The following ZBED4 variants were observed in gnomAD, a reference collection of about 807,000 sequenced individuals.
The protein encoded by ZBED4 is zinc finger BED domain-containing protein 4.
Under a neutral mutation model 15.5 loss-of-function variants are expected in ZBED4, and 4 were observed. The ratio of observed to expected loss-of-function variants is 0.26; its 90% CI spans 0.13 to 0.59. The LOEUF is 0.59. Among genes scored for constraint, ZBED4 ranks in the 20% least tolerant of loss-of-function variants. The pLI is 0.90. For missense variants in ZBED4, 1,323 were observed against 1,461.8 expected (o/e 0.91, Z 1.55); for synonymous variants, 692 against 608.5 (o/e 1.14, Z -2.02).
chr22:49,870,069 A>G (rs919002058), intron 1 of ZBED4, among the ~76,000 whole-genome samples: 1 of 152,126 alleles, frequency 6.6e-6, no homozygotes, highest in Admixed American at 6.5e-5. Flanking sequence ...AGGTGAGAAC[A>G]TGTGGTATCC....
chr22:49,879,247 C>G (rs969333225), intron 1 of ZBED4, among the ~76,000 whole-genome samples: 1 of 151,626 alleles, frequency 6.6e-6, no homozygotes, highest in South Asian at 2.1e-4. Flanking sequence ...GCCTCAGCCT[C>G]CCGAGTAGCT....
chr22:49,875,456 T>C (rs536065307), intron 1 of ZBED4, among the ~76,000 whole-genome samples: 196 of 151,872 alleles, frequency 1.3e-3, no homozygotes, highest in African/African-American at 4.2e-3. Context: ...AGTCTTGCTC[T>C]GTCACCCAGG....
chr22:49,885,597 T>G lies in ZBED4; in HGVS notation c.1935T>G (p.Asn645Lys), dbSNP rs2060434182. The change falls in exon 2 of 2, where the codon AAT becomes AAG. Residue 645 changes from asparagine to lysine, a missense_variant. Coordinates refer to ENST00000216268, the MANE Select transcript of ZBED4 (RefSeq NM_014838.3). ...GCGCTTCCTCTTTTGATGACACCAA[T>G]GAGAAGTTTTACGATTCTCACCCAG... is the stretch of plus-strand genomic sequence containing the variant. The part of the protein sequence containing the change: ...LSGASSFDDT[N>K]EKFYDSHPVA... The G allele has an allele frequency of 3.1e-6, 5 of 1,608,598 alleles. No homozygotes were observed. The highest frequency in any genetic ancestry group is 4.3e-6 in the Non-Finnish European group (5 of 1,175,806).
chr22:49,856,527 G>C, intron 1 of ZBED4, among the ~76,000 whole-genome samples: 1 of 152,204 alleles, frequency 6.6e-6, no homozygotes, highest in East Asian at 1.9e-4. Flanking sequence ...ATCCCAGTGC[G>C]TACCTCCTGC....
At chr22:49,871,765 T>A (rs528275085) in intron 1 of ZBED4, among the ~76,000 whole-genome samples, 35 of 147,158 alleles carry the variant, frequency 2.4e-4, no homozygotes, top group African/African-American at 8.1e-4. Context: ...TTATTTTTTT[T>A]TTTTTTTGAG....
chr22:49,888,204 T>G lies in ZBED4; in HGVS notation c.*1026T>G, dbSNP rs2060450243. 6.0e-6 allele frequency: 1 copy of G among 167,158 alleles called. No homozygotes were observed. Among genetic ancestry groups the G allele is most frequent in the Non-Finnish European group, 1.5e-5 (1 of 68,132 alleles). The allele number at this position is 167,158 out of a possible 1,614,324, so 10.4% of individuals were successfully genotyped here. A position where few individuals can be genotyped will look rare whatever the true frequency, so the allele number is the denominator to read the frequency against. ...ATCCCAAGGACATCAGAGTGAAGTG[T>G]CAGTTGTCAGATGATTTTAAAAGTT... On this transcript the variant is annotated 3_prime_UTR_variant, in exon 2 of 2. Coordinates refer to ENST00000216268, the MANE Select transcript of ZBED4 (RefSeq NM_014838.3).
chr22:49,887,413 G>A lies in ZBED4; in HGVS notation c.*235G>A, dbSNP rs1427975084. 1 of 413,650 alleles carries A rather than the reference G, an allele frequency of 2.4e-6. No homozygotes were observed. The highest frequency in any genetic ancestry group is 2.0e-5 in the African/African-American group (1 of 50,134). The allele number at this position is 413,650 out of a possible 1,614,324, so 25.6% of individuals were successfully genotyped here. A position where few individuals can be genotyped will look rare whatever the true frequency, so the allele number is the denominator to read the frequency against. ...AGAAATAGCTTGTCCTGTCAACTAT[G>A]AAATATGGTGACTAGATTTTAATTC... On this transcript the variant is annotated 3_prime_UTR_variant, in exon 2 of 2. Transcript: ENST00000216268.
intron 1 of ZBED4, among the ~76,000 whole-genome samples, chr22:49,865,746 C>T (rs1316450794): frequency 6.6e-6 from 1 of 151,840 alleles, no homozygotes; most frequent in Non-Finnish European, 1.5e-5. Flanking sequence ...GTAGATCTCT[C>T]AGGAAGGACT....
chr22:49,886,173 C>T lies in ZBED4; in HGVS notation c.2511C>T (p.Ser837=), dbSNP rs201770178. Residue 837 remains serine, a synonymous_variant, in exon 2 of 2, where the codon AGC becomes AGT. Transcript: ENST00000216268. This position sits in a 1 kb window ranked among gnomAD's most constrained non-coding sequence, Gnocchi z 7.7. ...GCCATACGGTGAACCTGATCGTCAG[C>T]GAGGCCATTAAGAGCCAGCGGATGG... ...CFSHTVNLIV[S]EAIKSQRMVQ... The T allele has an allele frequency of 4.5e-4, 316 of 703,066 alleles. 4 individuals carry two copies. The highest frequency in any genetic ancestry group is 1.2e-4 in the Non-Finnish European group (47 of 386,522). The allele number at this position is 703,066 out of a possible 1,614,324, so 43.6% of individuals were successfully genotyped here. A position where few individuals can be genotyped will look rare whatever the true frequency, so the allele number is the denominator to read the frequency against.
At chr22:49,855,786 G>T (rs557602031) in intron 1 of ZBED4, among the ~76,000 whole-genome samples, 26 of 151,980 alleles carry the variant, frequency 1.7e-4, no homozygotes, top group Admixed American at 1.4e-3. Context: ...GAAACAGCTG[G>T]GCGTGGCTTT....
intron 1 of ZBED4, among the ~76,000 whole-genome samples, chr22:49,877,848 G>A (rs920903831): frequency 6.6e-6 from 1 of 152,028 alleles, no homozygotes; most frequent in African/African-American, 2.4e-5. Context: ...CTGCCCTTTG[G>A]CCTCCCGCAC....
At chr22:49,865,508 A>G (rs2060318424) in intron 1 of ZBED4, among the ~76,000 whole-genome samples, 2 of 151,802 alleles carry the variant, frequency 1.3e-5, no homozygotes, top group African/African-American at 2.4e-5. Context: ...AAAAAAAAAT[A>G]ATAACCCGTC....
In ZBED4 at chr22:49,890,042, G is replaced by A. The variant is rs1001731109; in HGVS notation, c.*2864G>A. The A allele has an allele frequency of 1.2e-5, 2 of 166,870 alleles. No individual in the cohort carries two copies. Among genetic ancestry groups the A allele is most frequent in the Non-Finnish European group, 2.9e-5 (2 of 68,114 alleles). The allele number at this position is 166,870 out of a possible 1,614,324, so 10.3% of individuals were successfully genotyped here. ...AATTTGTGGAAATACTGAAGTAAAA[G>A]ATGATAAAAAAATAAAAACTTTATT... On this transcript the variant is annotated 3_prime_UTR_variant, in exon 2 of 2. Coordinates refer to ENST00000216268, the MANE Select transcript of ZBED4 (RefSeq NM_014838.3).
intron 1 of ZBED4, among the ~76,000 whole-genome samples, chr22:49,878,866 C>T (rs1398363046): frequency 6.6e-6 from 1 of 151,852 alleles, no homozygotes; most frequent in Non-Finnish European, 1.5e-5. Flanking sequence ...GGGAGTGGGC[C>T]AGGCGTGGTG....
chr22:49,858,196 C>T (rs535011726), intron 1 of ZBED4, among the ~76,000 whole-genome samples: 110 of 152,336 alleles, frequency 7.2e-4, no homozygotes, highest in African/African-American at 2.6e-3. Context: ...GCCACCGTGC[C>T]CGGCCCCCTT....
At position 49,861,669 on chromosome 22, in the gene ZBED4, T is replaced by G. The variant is rs1227998003; in HGVS notation, c.-330+7680T>G. 3.9e-5 allele frequency among the ~76,000 whole-genome samples: 6 copies of G among 152,244 alleles called. No homozygotes were observed. In the East Asian group the frequency reaches 1.2e-3, roughly 29 times the overall value. On this transcript the variant is annotated intron_variant, in intron 1 of 1. Coordinates refer to ENST00000216268, the MANE Select transcript of ZBED4 (RefSeq NM_014838.3). ...CCAGGCTGGTCTTGAACTCTTGGGC[T>G]CAAACGATTTACCTGCCTTGGCCTC...
rs182340745 is a variant in ZBED4, at chr22:49,866,647, A to G, written c.-330+12658A>G. ...CCGTTTTCATTTAATCTGAGGTCACATTTTTCTGTGAGCATATTTCGTTAT... is the reference window on the plus strand; with the variant it reads ...CCGTTTTCATTTAATCTGAGGTCACGTTTTTCTGTGAGCATATTTCGTTAT... On this transcript the variant is annotated intron_variant, in intron 1 of 1. Transcript: ENST00000216268. Among the ~76,000 whole-genome samples the G allele has an allele frequency of 8.5e-5, 13 of 152,074 alleles. No individual in the cohort carries two copies. The East Asian group carries it at 2.5e-3, about 29-fold the overall frequency.
intron 1 of ZBED4, among the ~76,000 whole-genome samples, chr22:49,878,031 G>T (rs188051994): frequency 6.6e-6 from 1 of 152,088 alleles, no homozygotes; most frequent in African/African-American, 2.4e-5. Context: ...GAGGCCAGGC[G>T]TGGTGGCTCA....
chr22:49,861,072 G>T (rs929610150), intron 1 of ZBED4, among the ~76,000 whole-genome samples: 2 of 151,966 alleles, frequency 1.3e-5, no homozygotes, highest in Non-Finnish European at 2.9e-5. Context: ...CACCATGCCC[G>T]GCCTAGGCAA....
Sources: allele counts gnomAD v4.1 joint callset (sites outside exome capture counted in the v4.1 genomes callset), GRCh38; gene constraint gnomAD v4.1.1; non-coding constraint Gnocchi (gnomAD v3.1); transcripts MANE v1.5; gene names NCBI Gene and HGNC (gene_info 2026-07-23, HGNC 2026-07-21).